The following GFRAL variants were observed in gnomAD, a reference collection of about 807,000 sequenced individuals.
The protein encoded by GFRAL is GDNF family receptor alpha-like.
GFRAL carries 36 observed loss-of-function variants against 45.4 expected under a neutral mutation model. The ratio of observed to expected loss-of-function variants is 0.79; its 90% confidence interval spans 0.61 to 1.05. The LOEUF (loss-of-function observed/expected upper bound fraction) is 1.05. GFRAL is among the 50% of genes least tolerant of loss of function. The pLI is 0.00. For missense variants in GFRAL, 507 were observed against 467.5 expected (o/e 1.08, Z -0.78); for synonymous variants, 166 against 154.1 (o/e 1.08, Z -0.57).
intron 6 of GFRAL, among the ~76,000 whole-genome samples, chr6:55,364,172 A>G (rs954901728): frequency 6.6e-6 from 1 of 150,770 alleles, no homozygotes. Flanking sequence ...TTTGATTTGC[A>G]TTTCTCTGAC....
At chr6:55,331,577 T>C in intron 1 of GFRAL, 138 bp from the exon 2 acceptor site, 1 of 625,956 alleles carries the variant, frequency 1.6e-6, no homozygotes, top group Non-Finnish European at 2.6e-6. Flanking sequence ...AGAGAGGAGG[T>C]TAAGGTTATT....
chr6:55,357,632 C>T (rs1768213202), intron 5 of GFRAL, among the ~76,000 whole-genome samples: 1 of 151,568 alleles, frequency 6.6e-6, no homozygotes, highest in Non-Finnish European at 1.5e-5. Flanking sequence ...TCCATTCAGC[C>T]ATACTATGTC....
chr6:55,372,102 A>G (rs888233577), intron 6 of GFRAL, among the ~76,000 whole-genome samples: 4 of 152,172 alleles, frequency 2.6e-5, no homozygotes, highest in Non-Finnish European at 5.9e-5. Flanking sequence ...ACCTTCAAGA[A>G]CAATTGATAT....
chr6:55,330,378 C>G (rs975918100), intron 1 of GFRAL, among the ~76,000 whole-genome samples: 1 of 152,034 alleles, frequency 6.6e-6, no homozygotes, highest in African/African-American at 2.4e-5. Flanking sequence ...GTGGTGGAGA[C>G]AGGCACATGA....
intron 6 of GFRAL, among the ~76,000 whole-genome samples, chr6:55,364,044 T>A (rs9767597): frequency 0.033 from 4,122 of 125,766 alleles, 231 homozygotes; most frequent in African/African-American, 0.076. Flanking sequence ...ACTAGTTTAC[T>A]GTCCCACCAA....
chr6:55,346,071 G>A (rs1001522495), intron 3 of GFRAL, among the ~76,000 whole-genome samples: 1 of 152,150 alleles, frequency 6.6e-6, no homozygotes, highest in Non-Finnish European at 1.5e-5. Flanking sequence ...GGAGAAATAG[G>A]AACACTTTTA....
chr6:55,345,700 T>C (rs1768032032), intron 3 of GFRAL, among the ~76,000 whole-genome samples: 1 of 152,132 alleles, frequency 6.6e-6, no homozygotes, highest in South Asian at 2.1e-4. Context: ...AAATGGGATC[T>C]AATTAAACTA....
chr6:55,333,405 T>C (rs996714090), intron 2 of GFRAL, among the ~76,000 whole-genome samples: 1 of 152,110 alleles, frequency 6.6e-6, no homozygotes, highest in African/African-American at 2.4e-5. Flanking sequence ...CTGAGAATGA[T>C]ATGAAAATAA....
At chr6:55,348,186 G>A (rs6936185) in intron 3 of GFRAL, among the ~76,000 whole-genome samples, 140,282 of 152,014 alleles carry the variant, frequency 0.92, 65,500 homozygotes, top group Non-Finnish European at 1. Context: ...TTGACCTTCA[G>A]CTCCTCTTTC....
intron 3 of GFRAL, among the ~76,000 whole-genome samples, chr6:55,337,568 C>G (rs1767908643): frequency 6.6e-6 from 1 of 152,250 alleles, no homozygotes; most frequent in African/African-American, 2.4e-5. Flanking sequence ...AATATAAATT[C>G]AATGTGTTAA....
chr6:55,342,016 G>A (rs1483108621), intron 3 of GFRAL, among the ~76,000 whole-genome samples: 4 of 152,186 alleles, frequency 2.6e-5, no homozygotes, highest in East Asian at 1.9e-4. Context: ...AAGAAATATG[G>A]GACTATATGA....
At chr6:55,396,876 C>CTTTT (rs369457794) in intron 6 of GFRAL, among the ~76,000 whole-genome samples, 4,342 of 127,788 alleles carry the variant, frequency 0.034, 119 homozygotes, top group African/African-American at 0.051. Context: ...AAGGGGGAAG[C>CTTTT]TTTTTTTTTT....
At chr6:55,396,722 G>A (rs1045500185) in intron 6 of GFRAL, among the ~76,000 whole-genome samples, 3 of 151,932 alleles carry the variant, frequency 2.0e-5, no homozygotes, top group Admixed American at 6.6e-5. Context: ...TTAAAAAAAA[G>A]TATTATTTAA....
At position 55,366,329 on chromosome 6, in the gene GFRAL, T is replaced by C. The variant is rs1375287760; in HGVS notation, c.952+7191T>C. On this transcript the variant is annotated intron_variant, in intron 6 of 8. Coordinates refer to ENST00000340465, the MANE Select transcript of GFRAL (RefSeq NM_207410.2). The stretch of plus-strand genomic sequence containing the variant: ...TATTGCATCTATTTGATTCTGCTCT[T>C]TTTTTTTCTTTATTAGTCTTGCTAG... Among the ~76,000 whole-genome samples, 6 of 151,700 alleles carry C rather than the reference T, an allele frequency of 4.0e-5. No homozygotes were observed. In the South Asian group the frequency reaches 8.4e-4, roughly 21 times the overall value.
At chr6:55,334,716 G>A (rs1488022484) in intron 3 of GFRAL, among the ~76,000 whole-genome samples, 2 of 152,150 alleles carry the variant, frequency 1.3e-5, no homozygotes, top group African/African-American at 2.4e-5. Flanking sequence ...TCAACCATCC[G>A]TTGTGGGCTC....
intron 6 of GFRAL, among the ~76,000 whole-genome samples, chr6:55,397,018 A>G (rs914778245): frequency 3.3e-5 from 5 of 151,902 alleles, no homozygotes; most frequent in Non-Finnish European, 5.9e-5. Flanking sequence ...AGTTTGGACT[A>G]CAGGTGTGCA....
intron 3 of GFRAL, among the ~76,000 whole-genome samples, chr6:55,346,092 G>T (rs1247008377): frequency 6.6e-6 from 1 of 152,180 alleles, no homozygotes; most frequent in South Asian, 2.1e-4. Context: ...CACTGTTGGT[G>T]GGACTGTAAA....
intron 5 of GFRAL, among the ~76,000 whole-genome samples, chr6:55,352,326 G>C (rs896285235): frequency 2.6e-4 from 40 of 152,062 alleles, no homozygotes; most frequent in Admixed American, 2.6e-3. Flanking sequence ...TTAACATTAA[G>C]AGAAAAGGGA....
intron 6 of GFRAL, among the ~76,000 whole-genome samples, chr6:55,371,013 T>A (rs112788132): frequency 5.9e-5 from 9 of 152,290 alleles, no homozygotes; most frequent in African/African-American, 2.2e-4. Context: ...CACTTCGCCA[T>A]CCTGCAACTG....
Sources: allele counts gnomAD v4.1 joint callset (sites outside exome capture counted in the v4.1 genomes callset), GRCh38; gene constraint gnomAD v4.1.1; transcripts MANE v1.5; gene names NCBI Gene and HGNC (gene_info 2026-07-23, HGNC 2026-07-21).